Variants in GLIS3 observed in about 807,000 individuals in gnomAD.
GLIS3 encodes the protein zinc finger protein GLIS3.
A neutral mutation model predicts 78.6 loss-of-function variants in GLIS3; 53 were observed. The observed-to-expected ratio is 0.67, with a 90% CI of 0.54 to 0.85. GLIS3 has a LOEUF of 0.85. Ranked by LOEUF, GLIS3 falls within the 40% of genes least tolerant of loss-of-function variation. The pLI is 0.00. For missense variants in GLIS3, 1,703 were observed against 1,231.1 expected (o/e 1.38, Z -5.74); for synonymous variants, 684 against 509.9 (o/e 1.34, Z -4.60).
At chr9:4,407,342 G>A in the GLIS3 span, among the ~76,000 whole-genome samples, 2 of 152,170 alleles carry the variant, frequency 1.3e-5, no homozygotes, top group South Asian at 4.1e-4. Flanking sequence ...TGAAACTACT[G>A]CAAGAAAACA....
the GLIS3 span, among the ~76,000 whole-genome samples, chr9:4,457,567 G>T: frequency 3.3e-5 from 5 of 151,950 alleles, no homozygotes; most frequent in Admixed American, 3.3e-4. Flanking sequence ...GCAGAGACTG[G>T]CCAGGCGTGG....
intron 9 of GLIS3, among the ~76,000 whole-genome samples, chr9:3,840,442 A>C (rs1174684209): frequency 1.3e-5 from 2 of 152,196 alleles, no homozygotes; most frequent in Non-Finnish European, 1.5e-5. Flanking sequence ...ATTTTAATAC[A>C]GAGTCTATAA....
At chr9:3,969,360 G>T (rs997756144) in intron 4 of GLIS3, among the ~76,000 whole-genome samples, 1 of 152,004 alleles carries the variant, frequency 6.6e-6, no homozygotes, top group Non-Finnish European at 1.5e-5. Flanking sequence ...TGTGCTATAC[G>T]TTCCCTACAC....
At chr9:3,963,107 A>G (rs1817690020) in intron 4 of GLIS3, among the ~76,000 whole-genome samples, 1 of 152,164 alleles carries the variant, frequency 6.6e-6, no homozygotes, top group Non-Finnish European at 1.5e-5. Flanking sequence ...TAAATAAGGG[A>G]GAGGTTGCCA....
In GLIS3 at chr9:4,118,928, A is replaced by T. The variant is rs752274476; in HGVS notation, c.597-47T>A. ...AAGAAAAAAAAAAGATAAACATTTT[A>T]GCAGGATACGGATTGCTTAAGAGCT... On this transcript the variant is annotated intron_variant, in intron 3 of 10. Transcript: ENST00000381971. This position sits in a 1 kb window ranked among gnomAD's most constrained non-coding sequence, Gnocchi z 4.7. The T allele has an allele frequency of 6.3e-7, 1 of 1,576,248 alleles. No homozygotes were observed. Among genetic ancestry groups the T allele is most frequent in the Non-Finnish European group, 8.6e-7 (1 of 1,166,354 alleles).
the GLIS3 span, among the ~76,000 whole-genome samples, chr9:4,418,576 G>C: frequency 6.6e-6 from 1 of 152,128 alleles, no homozygotes; most frequent in Admixed American, 6.5e-5. Flanking sequence ...GCAGGTGCCT[G>C]TAATCCCAGC....
Position 4,179,887 on chromosome 9 carries a change from G to A in GLIS3, c.389-53946C>T, listed in dbSNP as rs566621014. ...ATCGTGCCACTGTACTCCAGCCTGGGTGAGAGAGCGAGACTCTGTCTCAAA... is the reference window on the plus strand; with the variant it reads ...ATCGTGCCACTGTACTCCAGCCTGGATGAGAGAGCGAGACTCTGTCTCAAA... On this transcript the variant is annotated intron_variant, in intron 2 of 10. Coordinates refer to ENST00000381971, the MANE Select transcript of GLIS3 (RefSeq NM_001042413.2). Among the ~76,000 whole-genome samples the A allele has an allele frequency of 1.3e-3, 192 of 148,430 alleles. 3 individuals carry two copies. In the South Asian group the frequency reaches 0.042, roughly 32 times the overall value.
chr9:4,275,330 T>C (rs2130207301), intron 2 of GLIS3, among the ~76,000 whole-genome samples: 1 of 152,314 alleles, frequency 6.6e-6, no homozygotes, highest in East Asian at 1.9e-4. Flanking sequence ...GGTTTGAGTT[T>C]TTAAAAGTAT....
intron 5 of GLIS3, among the ~76,000 whole-genome samples, chr9:3,934,052 A>G (rs768397309): frequency 6.6e-6 from 1 of 152,228 alleles, no homozygotes; most frequent in Non-Finnish European, 1.5e-5. Context: ...AAAGTGAACA[A>G]TGGATAAACC....
intron 3 of GLIS3, chr9:4,123,962 G>C (rs1832380203): frequency 2.6e-6 from 1 of 389,770 alleles, no homozygotes; most frequent in Non-Finnish European, 4.5e-6. Flanking sequence ...TCCACTCCCA[G>C]CATGCCCCCA....
At chr9:4,213,708 G>A (rs1477631112) in intron 2 of GLIS3, among the ~76,000 whole-genome samples, 2 of 152,118 alleles carry the variant, frequency 1.3e-5, no homozygotes, top group African/African-American at 4.8e-5. Flanking sequence ...AAAGCACTAG[G>A]CACGTAATAG....
intron 1 of GLIS3, among the ~76,000 whole-genome samples, chr9:4,297,542 T>G (rs1816652423): frequency 6.6e-6 from 1 of 152,170 alleles, no homozygotes; most frequent in African/African-American, 2.4e-5. Flanking sequence ...CGGGAGATGC[T>G]GAAGTCTTGG....
At chr9:4,062,676 C>T (rs574092981) in intron 4 of GLIS3, among the ~76,000 whole-genome samples, 7 of 152,144 alleles carry the variant, frequency 4.6e-5, no homozygotes, top group Non-Finnish European at 7.4e-5. Flanking sequence ...GCCTGTAATC[C>T]CAGCACTTCG....
the GLIS3 span, among the ~76,000 whole-genome samples, chr9:4,380,230 C>T: frequency 9.9e-5 from 15 of 152,174 alleles, no homozygotes; most frequent in Non-Finnish European, 2.1e-4. Flanking sequence ...TTCTTGCCTG[C>T]TAATTAGACA....
chr9:4,255,680 A>G (rs1359765483), intron 2 of GLIS3, among the ~76,000 whole-genome samples: 2 of 152,214 alleles, frequency 1.3e-5, no homozygotes, highest in Non-Finnish European at 2.9e-5. Flanking sequence ...TAGAGAGTAA[A>G]AAGATCAGTG....
chr9:4,453,221 C>A, the GLIS3 span, among the ~76,000 whole-genome samples: 29 of 151,552 alleles, frequency 1.9e-4, no homozygotes, highest in African/African-American at 6.8e-4. Context: ...AGAAGAAAAC[C>A]TAGGCAGTAC....
At chr9:4,069,254 T>A (rs971969112) in intron 4 of GLIS3, among the ~76,000 whole-genome samples, 1 of 152,160 alleles carries the variant, frequency 6.6e-6, no homozygotes, top group Non-Finnish European at 1.5e-5. Context: ...ATTTTGAGAC[T>A]TACAGGTTGC....
At chr9:4,197,024 C>A (rs573230938) in intron 2 of GLIS3, among the ~76,000 whole-genome samples, 1 of 152,114 alleles carries the variant, frequency 6.6e-6, no homozygotes, top group Non-Finnish European at 1.5e-5. Flanking sequence ...GGACATAGAT[C>A]GTGGTGCAGT....
At chr9:4,158,874 A>G (rs1835245033) in intron 2 of GLIS3, among the ~76,000 whole-genome samples, 1 of 152,188 alleles carries the variant, frequency 6.6e-6, no homozygotes, top group Non-Finnish European at 1.5e-5. Context: ...TGAGTGGCAG[A>G]AAAGGCCTAT....
Sources: gnomAD v4.1 joint callset for allele counts (sites outside exome capture counted in the v4.1 genomes callset) on GRCh38, gnomAD v4.1.1 for gene constraint, Gnocchi (gnomAD v3.1) non-coding constraint, MANE v1.5 for transcripts, NCBI Gene and HGNC (gene_info 2026-07-23, HGNC 2026-07-21) for gene names.